The following PCDH15 variants were observed in gnomAD, a reference collection of about 807,000 sequenced individuals.
PCDH15 encodes the protein protocadherin related 15.
PCDH15 carries 129 observed loss-of-function variants against 178.5 expected under a neutral mutation model. The observed-to-expected ratio is 0.72, with a 90% CI of 0.63 to 0.84. The LOEUF (loss-of-function observed/expected upper bound fraction) is 0.84, where lower values mean the gene tolerates loss of function less well. Among genes scored for constraint, PCDH15 ranks in the 40% least tolerant of loss-of-function variants. The pLI is 0.00. For missense variants in PCDH15, 2,230 were observed against 2,099.9 expected (o/e 1.06, Z -1.21); for synonymous variants, 800 against 732.0 (o/e 1.09, Z -1.50).
At chr10:55,426,595 G>C (rs1489450892) in intron 2 of PCDH15, among the ~76,000 whole-genome samples, 1 of 152,116 alleles carries the variant, frequency 6.6e-6, no homozygotes, top group Admixed American at 6.5e-5. Flanking sequence ...ACAACTCAGT[G>C]GACCCTCTGC....
intron 2 of PCDH15, among the ~76,000 whole-genome samples, chr10:55,083,464 A>C (rs544460402): frequency 1.2e-4 from 18 of 151,996 alleles, no homozygotes; most frequent in Non-Finnish European, 2.1e-4. Flanking sequence ...ACTGAAGAGT[A>C]AAAAAATGAA....
chr10:54,928,644 C>T (rs986267275), intron 2 of PCDH15, among the ~76,000 whole-genome samples: 2 of 152,064 alleles, frequency 1.3e-5, no homozygotes, highest in Admixed American at 1.3e-4. Flanking sequence ...CTTTTCATTA[C>T]TTTTTCTTTA....
At chr10:54,344,608 T>C (rs1297080265) in intron 6 of PCDH15, among the ~76,000 whole-genome samples, 1 of 152,070 alleles carries the variant, frequency 6.6e-6, no homozygotes, top group Non-Finnish European at 1.5e-5. Flanking sequence ...GATTAGAAAG[T>C]AACCTTCATA....
rs560931041 is a variant in PCDH15 at position 54,017,019 on chromosome 10, CA to C, written c.2751+3172del. Among the ~76,000 whole-genome samples the C allele has an allele frequency of 3.0e-3, 454 of 152,076 alleles. 2 individuals are homozygous for C. The highest frequency in any genetic ancestry group is 1.0e-2 in the African/African-American group (413 of 41,480). ...AGAGACAACATATGTTAAGATATAA[CA>C]TTTATTTTATTTTATTTTTTGAGAC... is the stretch of plus-strand genomic sequence containing the variant. On this transcript the variant is annotated intron_variant, in intron 20 of 37. Transcript: ENST00000644397.
intron 2 of PCDH15, among the ~76,000 whole-genome samples, chr10:55,036,750 C>T (rs984191892): frequency 3.3e-5 from 5 of 152,152 alleles, no homozygotes; most frequent in African/African-American, 4.8e-5. Flanking sequence ...TTCTCAAAAA[C>T]ATATCGTATA....
intron 1 of PCDH15, among the ~76,000 whole-genome samples, chr10:54,704,748 T>C (rs1325157841): frequency 6.6e-6 from 1 of 152,124 alleles, no homozygotes; most frequent in Non-Finnish European, 1.5e-5. Context: ...GATTAAGCCA[T>C]TGTGGAAAGC....
At chr10:54,930,487 A>G (rs958958264) in intron 2 of PCDH15, among the ~76,000 whole-genome samples, 7 of 152,090 alleles carry the variant, frequency 4.6e-5, no homozygotes, top group African/African-American at 1.7e-4. Flanking sequence ...AAGACAATGA[A>G]CCTCAGGTAT....
At chr10:53,809,437 G>A in intron 37 of PCDH15, 1 of 1,613,962 alleles carries the variant, frequency 6.2e-7, no homozygotes. Context: ...CTTCCATGTT[G>A]TGTATGTAGG....
chr10:55,315,457 C>G (rs891184797), intron 1 of PCDH15, among the ~76,000 whole-genome samples: 3 of 152,024 alleles, frequency 2.0e-5, no homozygotes, highest in African/African-American at 7.2e-5. Context: ...CAAAGTTACA[C>G]AGTTTATTAA....
At chr10:54,801,401 A>G (rs913125203), upstream of PCDH15, 1 of 152,216 alleles carries the variant, frequency 6.6e-6, no homozygotes, top group Non-Finnish European at 1.5e-5. Context: ...GCTTTGCACC[A>G]ATTAGTAGCA....
At chr10:55,026,909 T>G (rs934439214) in intron 2 of PCDH15, among the ~76,000 whole-genome samples, 1 of 151,948 alleles carries the variant, frequency 6.6e-6, no homozygotes, top group African/African-American at 2.4e-5. Context: ...CATTTTGTTT[T>G]GGAAAGTGTG....
At chr10:54,736,185 C>T (rs1944092154) in intron 1 of PCDH15, among the ~76,000 whole-genome samples, 2 of 152,014 alleles carry the variant, frequency 1.3e-5, no homozygotes, top group Admixed American at 6.6e-5. Flanking sequence ...CCATAGACAA[C>T]AGTATCATCA....
chr10:54,069,385 C>T (rs1325598821), intron 17 of PCDH15, among the ~76,000 whole-genome samples: 1 of 152,128 alleles, frequency 6.6e-6, no homozygotes, highest in African/African-American at 2.4e-5. Flanking sequence ...AACCAGATCA[C>T]TAAGTAAACT....
chr10:53,907,866 C>A (rs2082788196), intron 25 of PCDH15, among the ~76,000 whole-genome samples: 1 of 152,026 alleles, frequency 6.6e-6, no homozygotes. Context: ...TTTTAAATAC[C>A]CATTAACCTC....
At chr10:55,507,641 CA>C (rs1195772177) in intron 2 of PCDH15, among the ~76,000 whole-genome samples, 1 of 151,424 alleles carries the variant, frequency 6.6e-6, no homozygotes, top group East Asian at 1.9e-4. Flanking sequence ...TGAATATAAA[CA>C]CTTTCATATA....
intron 2 of PCDH15, among the ~76,000 whole-genome samples, chr10:54,577,378 C>G (rs993705022): frequency 1.5e-4 from 23 of 151,976 alleles, no homozygotes; most frequent in Non-Finnish European, 3.4e-4. Flanking sequence ...AGGCGTGAGC[C>G]ACCGCTCCCG....
chr10:54,347,145 A>T (rs868752748), intron 5 of PCDH15, among the ~76,000 whole-genome samples: 1 of 152,160 alleles, frequency 6.6e-6, no homozygotes, highest in African/African-American at 2.4e-5. Flanking sequence ...GCTAGTCTTA[A>T]TTCTTACTTA....
chr10:54,261,404 T>C (rs1055179272), intron 8 of PCDH15, among the ~76,000 whole-genome samples: 1 of 151,804 alleles, frequency 6.6e-6, no homozygotes, highest in African/African-American at 2.4e-5. Flanking sequence ...ATACTTCAAA[T>C]AGATAAGAAA....
chr10:54,771,490 C>G (rs1450817015), intron 1 of PCDH15, among the ~76,000 whole-genome samples: 4 of 152,016 alleles, frequency 2.6e-5, no homozygotes, highest in Non-Finnish European at 5.9e-5. Context: ...ACTCTAAAAT[C>G]TAATAGTTCA....
Sources: allele counts gnomAD v4.1 joint callset (sites outside exome capture counted in the v4.1 genomes callset), GRCh38; gene constraint gnomAD v4.1.1; transcripts MANE v1.5; gene names NCBI Gene and HGNC (gene_info 2026-07-23, HGNC 2026-07-21).